The following EYS variants were observed in gnomAD, a reference collection of about 807,000 sequenced individuals.
The protein encoded by EYS is EGF-like photoreceptor maintenance factor.
A neutral mutation model predicts 282.1 loss-of-function variants in EYS; 250 were observed. The ratio of observed to expected loss-of-function variants is 0.89; its 90% CI spans 0.80 to 0.98. The LOEUF (loss-of-function observed/expected upper bound fraction) is 0.98, where lower values mean the gene tolerates loss of function less well. Among genes scored for constraint, EYS ranks in the 50% least tolerant of loss-of-function variants. The pLI, the probability that EYS is intolerant of heterozygous loss-of-function variation, is 0.00. For missense variants in EYS, 4,016 were observed against 3,709.0 expected, an observed-to-expected ratio of 1.08 and a Z score of -2.15; for synonymous variants, 1,355 against 1,282.9, an observed-to-expected ratio of 1.06 and a Z score of -1.20.
chr6:64,802,017 C>CTTTTTT lies in EYS; in HGVS notation c.3443+11360_3443+11361insAAAAAA, dbSNP rs1157712956. ...GTTATAAGAGAGTTATAACAAATTT[C>CTTTTTT]TTTTTCTTTTTTTTTCTTTTTTTTT... On this transcript the variant is annotated intron_variant, in intron 22 of 42. Transcript: ENST00000503581. Among the ~76,000 whole-genome samples, 89 of 57,638 alleles carry CTTTTTT rather than the reference C, an allele frequency of 1.5e-3. 16 individuals carry two copies. The highest frequency in any genetic ancestry group is 2.3e-3 in the Non-Finnish European group (64 of 27,590). 37.8% of individuals were successfully genotyped at this position (57,638 alleles called of 152,430 possible). A position where few individuals can be genotyped will look rare whatever the true frequency, so the allele number is the denominator to read the frequency against.
intron 41 of EYS, among the ~76,000 whole-genome samples, chr6:63,759,522 G>C (rs1462437645): frequency 6.6e-6 from 1 of 152,060 alleles, no homozygotes; most frequent in African/African-American, 2.4e-5. Context: ...GACTAAACAA[G>C]TAAAATGTGT....
intron 41 of EYS, among the ~76,000 whole-genome samples, chr6:63,727,737 A>ATATATATATATATATATATATAT (rs1421811302): frequency 2.7e-5 from 1 of 36,734 alleles, no homozygotes; most frequent in Non-Finnish European, 4.3e-5. Context: ...AAAAAAAAAA[A>ATATATATATATATATATATATAT]ATATATATAT....
At chr6:65,293,659 G>A (rs1304007142) in intron 12 of EYS, among the ~76,000 whole-genome samples, 1 of 151,846 alleles carries the variant, frequency 6.6e-6, no homozygotes, top group African/African-American at 2.4e-5. Context: ...GTGGTTCACA[G>A]ATCAGCAGTG....
At chr6:65,096,843 C>A (rs1774753490) in intron 12 of EYS, among the ~76,000 whole-genome samples, 1 of 150,940 alleles carries the variant, frequency 6.6e-6, no homozygotes, top group Non-Finnish European at 1.5e-5. Flanking sequence ...ACACCAAAAT[C>A]AACTCAAATT....
intron 12 of EYS, among the ~76,000 whole-genome samples, chr6:65,158,289 G>A (rs979753310): frequency 1.3e-5 from 2 of 150,792 alleles, no homozygotes; most frequent in Admixed American, 6.6e-5. Context: ...TCTGTGGTTC[G>A]ACCAGGAGCT....
intron 7 of EYS, among the ~76,000 whole-genome samples, chr6:65,388,666 A>G (rs1275146206): frequency 6.6e-6 from 1 of 152,106 alleles, no homozygotes; most frequent in Non-Finnish European, 1.5e-5. Flanking sequence ...GATAGGCAGG[A>G]GGAAAATATG....
chr6:64,546,281 CT>C (rs1764864932), intron 26 of EYS, among the ~76,000 whole-genome samples: 1 of 152,150 alleles, frequency 6.6e-6, no homozygotes, highest in Non-Finnish European at 1.5e-5. Flanking sequence ...AAATGATTCC[CT>C]ATTTAATAAA....
intron 12 of EYS, among the ~76,000 whole-genome samples, chr6:65,110,764 T>A (rs1022826122): frequency 6.6e-6 from 1 of 152,154 alleles, no homozygotes; most frequent in Non-Finnish European, 1.5e-5. Flanking sequence ...TGTGTCAAGA[T>A]GCATGATGCT....
At chr6:65,007,470 A>G (rs1291140237) in intron 13 of EYS, among the ~76,000 whole-genome samples, 1 of 152,142 alleles carries the variant, frequency 6.6e-6, no homozygotes, top group Non-Finnish European at 1.5e-5. Flanking sequence ...AAATTATAAC[A>G]CCATCTTACA....
intron 2 of EYS, among the ~76,000 whole-genome samples, chr6:65,520,623 T>A (rs1767330365): frequency 6.6e-6 from 1 of 151,948 alleles, no homozygotes; most frequent in African/African-American, 2.4e-5. Flanking sequence ...TACATATATG[T>A]GTGTATATAT....
At chr6:65,565,713 G>C (rs892773043) in intron 2 of EYS, among the ~76,000 whole-genome samples, 6 of 152,076 alleles carry the variant, frequency 3.9e-5, no homozygotes, top group African/African-American at 1.4e-4. Context: ...GCCTATCAGT[G>C]ATAGGCTGGA....
chr6:64,507,518 T>C (rs996568600), intron 26 of EYS, among the ~76,000 whole-genome samples: 2 of 152,220 alleles, frequency 1.3e-5, no homozygotes, highest in African/African-American at 4.8e-5. Flanking sequence ...TTTTGAAAGC[T>C]GAAGAGGGAA....
At chr6:65,364,261 T>C (rs946838225) in intron 8 of EYS, among the ~76,000 whole-genome samples, 1 of 147,066 alleles carries the variant, frequency 6.8e-6, no homozygotes, top group Non-Finnish European at 1.5e-5. Context: ...TTTTTTTCAA[T>C]TTTTTTTCAA....
intron 26 of EYS, among the ~76,000 whole-genome samples, chr6:64,515,540 T>C (rs6934305): frequency 0.052 from 7,806 of 151,486 alleles, 679 homozygotes; most frequent in African/African-American, 0.18. Flanking sequence ...AAATAGACCC[T>C]AATTTATGTG....
At chr6:64,959,339 C>T (rs1010112015) in intron 14 of EYS, among the ~76,000 whole-genome samples, 1 of 152,158 alleles carries the variant, frequency 6.6e-6, no homozygotes, top group African/African-American at 2.4e-5. Context: ...TTGACATAAT[C>T]ATTACTCCTC....
intron 12 of EYS, among the ~76,000 whole-genome samples, chr6:65,263,978 T>G (rs1227550300): frequency 1.3e-5 from 2 of 151,826 alleles, no homozygotes; most frequent in Non-Finnish European, 2.9e-5. Flanking sequence ...AAAAAGCCAG[T>G]CATGATGGTT....
Position 65,656,023 on chromosome 6 carries a change from A to G in EYS, c.-447-16131T>C, listed in dbSNP as rs575712922. ...CCATATTTCAGACGTTTTCATTATT[A>G]TATCTGTTAAGGTGATTAGTGACCT... On this transcript the variant is annotated intron_variant, in intron 1 of 42. Transcript: ENST00000503581. Among the ~76,000 whole-genome samples the G allele has an allele frequency of 9.2e-5, 14 of 151,898 alleles. 1 individual carries two copies. In the South Asian group the frequency reaches 2.3e-3, roughly 25 times the overall value.
chr6:65,621,071 G>A (rs1213136592), intron 2 of EYS, among the ~76,000 whole-genome samples: 1 of 152,138 alleles, frequency 6.6e-6, no homozygotes, highest in Non-Finnish European at 1.5e-5. Flanking sequence ...TATTAGGTCT[G>A]CTTGGTGCAG....
chr6:64,458,977 T>C (rs1775654247), intron 26 of EYS, among the ~76,000 whole-genome samples: 1 of 152,192 alleles, frequency 6.6e-6, no homozygotes, highest in South Asian at 2.1e-4. Context: ...TTCTAAGACA[T>C]CCAGTGTGGT....
Sources: allele counts gnomAD v4.1 joint callset (sites outside exome capture counted in the v4.1 genomes callset), GRCh38; gene constraint gnomAD v4.1.1; transcripts MANE v1.5; gene names NCBI Gene and HGNC (gene_info 2026-07-23, HGNC 2026-07-21).